The following CSF3R variants were observed in gnomAD, a reference collection of about 807,000 sequenced individuals.
CSF3R encodes the protein colony stimulating factor 3 receptor, also known as granulocyte colony-stimulating factor receptor.
A neutral mutation model predicts 84.4 loss-of-function variants in CSF3R; 52 were observed. That is an observed-to-expected ratio of 0.62 (90% CI 0.49 to 0.78). The LOEUF is 0.78. Among genes scored for constraint, CSF3R ranks in the 30% least tolerant of loss-of-function variants. CSF3R has a pLI of 0.00. For missense variants in CSF3R, 890 were observed against 1,055.7 expected, an observed-to-expected ratio of 0.84 and a Z score of 2.17; for synonymous variants, 384 against 429.1, an observed-to-expected ratio of 0.89 and a Z score of 1.30.
At position 36,476,234 on chromosome 1, in the gene CSF3R, T is replaced by C. The variant is rs565962887; in HGVS notation, c.65-561A>G. 1.9e-4 allele frequency: 29 copies of C among 153,128 alleles called. No homozygotes were observed. The South Asian group carries it at 5.5e-3, about 29-fold the overall frequency. The allele number at this position is 153,128 out of a possible 1,614,324, so 9.5% of individuals were successfully genotyped here. On this transcript the variant is annotated intron_variant, in intron 3 of 16. Coordinates refer to ENST00000373106, the MANE Select transcript of CSF3R (RefSeq NM_000760.4). ...AAGGCAGTGTGGTGTGATGGATGAG[T>C]GTGGATGTTGGAACTAGACTGCCTA...
At chr1:36,471,806 G>T in intron 9 of CSF3R, 160 bp from the exon 10 acceptor site, 1 of 768,728 alleles carries the variant, frequency 1.3e-6, no homozygotes, top group Non-Finnish European at 2.1e-6. Flanking sequence ...CCTTGTGCTA[G>T]GTTCTAGGAA....
chr1:36,469,027 G>T, intron 12 of CSF3R, 129 bp downstream of exon 12: 1 of 736,604 alleles, frequency 1.4e-6, no homozygotes. Context: ...GGGATTGGGA[G>T]AGATCCTCTC....
At position 36,479,458 on chromosome 1, in the gene CSF3R, G is replaced by A; in HGVS notation, c.39C>T (p.Ala13=). ...TTCCGGGGAGCAGCAGGATGATCAG[G>A]GCAGCCCAAGTCAGGCTGCAGTTTC... The part of the protein sequence containing the change: ...RLGNCSLTWA[A]LIILLLPGSL... The change falls in exon 3 of 17, where the codon GCC becomes GCT. Residue 13 remains alanine, a synonymous_variant. Transcript: ENST00000373106. The A allele has an allele frequency of 1.2e-6, 2 of 1,614,128 alleles. No individual in the cohort carries two copies. The highest frequency in any genetic ancestry group is 1.7e-6 in the Non-Finnish European group (2 of 1,180,024).
At position 36,466,307 on chromosome 1, in the gene CSF3R, C is replaced by G. The variant is rs369842345; in HGVS notation, c.*50G>C. ...TTATGGACCCTCCCCTCTTCTCCAG[C>G]TAGCTCAGGCCTTTAAGAGGCAGGC... On this transcript the variant is annotated 3_prime_UTR_variant, in exon 17 of 17. Coordinates refer to ENST00000373106, the MANE Select transcript of CSF3R (RefSeq NM_000760.4). This position sits in a 1 kb window ranked among gnomAD's most constrained non-coding sequence, Gnocchi z 4.6. 6 of 1,611,792 alleles carry G rather than the reference C, an allele frequency of 3.7e-6. No individual in the cohort carries two copies. The African/African-American group carries it at 8.0e-5, about 21-fold the overall frequency.
At position 36,475,210 on chromosome 1, in the gene CSF3R, C is replaced by T. The variant is rs3917956; in HGVS notation, c.361+167G>A. On this transcript the variant is annotated intron_variant, in intron 4 of 16. Transcript: ENST00000373106. ...TTAGTAGAGGCGGGGTTTCGCCTTGCTGGCCAGGCTGATCATGAACTCCTG... is the reference window on the plus strand; with the variant it reads ...TTAGTAGAGGCGGGGTTTCGCCTTGTTGGCCAGGCTGATCATGAACTCCTG... Among the ~76,000 whole-genome samples, 3,710 of 152,128 alleles carry T rather than the reference C, an allele frequency of 0.024. 120 individuals carry two copies. The highest frequency in any genetic ancestry group is 0.081 in the African/African-American group (3,339 of 41,472).
At position 36,469,435 on chromosome 1, in the gene CSF3R, T is replaced by C. The variant is rs116865179; in HGVS notation, c.1475-178A>G. Among the ~76,000 whole-genome samples, 60 of 152,212 alleles carry C rather than the reference T, an allele frequency of 3.9e-4. 2 individuals are homozygous for C. In the East Asian group the frequency reaches 0.01, roughly 26 times the overall value. ...AGGGAAGAAAAGTGGAAGAGAGAGC[T>C]AGAAGGGTGGCAGAGTCAGGGCTAT... On this transcript the variant is annotated intron_variant, in intron 11 of 16. Transcript: ENST00000373106.
rs188374778 is a variant in CSF3R at position 36,466,953 on chromosome 1, A to T, written c.2041-126T>A. ...TTGTTACTGGTGGAACACAAAGGGT[A>T]CCACTTGCAAAGCACTAGTATGTTC... On this transcript the variant is annotated intron_variant, in intron 16 of 16. Transcript: ENST00000373106. This position sits in a 1 kb window ranked among gnomAD's most constrained non-coding sequence, Gnocchi z 4.6. 66 of 1,604,900 alleles carry T rather than the reference A, an allele frequency of 4.1e-5. 1 individual carries two copies. In the African/African-American group the frequency reaches 6.5e-4, roughly 16 times the overall value.
rs564880597 is a variant in CSF3R at position 36,471,465 on chromosome 1, C to T, written c.1253G>A (p.Arg418His). 4.3e-5 allele frequency: 69 copies of T among 1,614,142 alleles called. No individual in the cohort carries two copies. The highest frequency in any genetic ancestry group is 1.7e-4 in the Middle Eastern group (1 of 6,052). Residue 418 changes from arginine to histidine, a missense_variant, in exon 10 of 17, where the codon CGT becomes CAT. By Grantham distance (29) the Arg-to-His change is conservative (BLOSUM62 0). Transcript: ENST00000373106. ...TTCTGAGAAGACCACCGGAGTGGGACGAGAGGTCCCGGCTGAGTTATAGGC... is the reference window on the plus strand; with the variant it reads ...TTCTGAGAAGACCACCGGAGTGGGATGAGAGGTCCCGGCTGAGTTATAGGC... ...LVAYNSAGTS[R>H]PTPVVFSESR...
rs1327052588 is a variant in CSF3R at position 36,475,225 on chromosome 1, A to T, written c.361+152T>A. On this transcript the variant is annotated intron_variant, in intron 4 of 16. Transcript: ENST00000373106. Reference sequence around the variant, plus strand: ...TTTCGCCTTGCTGGCCAGGCTGATCATGAACTCCTGACCTCAGGTGATCCG... The same window carrying T: ...TTTCGCCTTGCTGGCCAGGCTGATCTTGAACTCCTGACCTCAGGTGATCCG... 4 of 937,822 alleles carry T rather than the reference A, an allele frequency of 4.3e-6. No individual in the cohort carries two copies. In the East Asian group the frequency reaches 9.8e-5, roughly 23 times the overall value. The allele number at this position is 937,822 out of a possible 1,614,324, so 58.1% of individuals were successfully genotyped here.
At chr1:36,482,332 GCCCGGGAAGCGTCTGTTA>G (rs1651579525) in intron 1 of CSF3R, among the ~76,000 whole-genome samples, 1 of 151,810 alleles carries the variant, frequency 6.6e-6, no homozygotes, top group Non-Finnish European at 1.5e-5. Flanking sequence ...GAGGCCTGGA[GCCCGGGAAGCGTCTGTTA>G]CCGAGAGTTT....
intron 12 of CSF3R, 180 bp downstream of exon 12, chr1:36,468,976 A>C: frequency 1.6e-6 from 1 of 611,888 alleles, no homozygotes; most frequent in South Asian, 1.9e-5. Flanking sequence ...CTATCCCAGC[A>C]CCTGATTTCT....
Position 36,467,383 on chromosome 1 carries a change from C to G in CSF3R, c.1959-72G>C, listed in dbSNP as rs1019290947. 1.3e-6 allele frequency: 2 copies of G among 1,523,294 alleles called. No individual in the cohort carries two copies. The highest frequency in any genetic ancestry group is 4.5e-5 in the East Asian group (2 of 44,462). The allele number at this position is 1,523,294 out of a possible 1,614,324, so 94.4% of individuals were successfully genotyped here. On this transcript the variant is annotated intron_variant, in intron 15 of 16. Coordinates refer to ENST00000373106, the MANE Select transcript of CSF3R (RefSeq NM_000760.4). The surrounding 1 kb of genome is among the most constrained non-coding windows in gnomAD (Gnocchi z 4.1). ...CTTTCCATTTTTTGTCCCACCCACC[C>G]CACCTGAAGAGGTGCAGCTGCCCTT...
chr1:36,478,050 G>A (rs896240766), intron 3 of CSF3R, among the ~76,000 whole-genome samples: 2 of 152,024 alleles, frequency 1.3e-5, no homozygotes, highest in Non-Finnish European at 2.9e-5. Flanking sequence ...GAGCCACCGC[G>A]CCCGGCCCAG....
Position 36,467,606 on chromosome 1 carries a change from A to C in CSF3R, c.1910T>G (p.Leu637Arg). Residue 637 changes from leucine to arginine, a missense_variant, in exon 15 of 17, where the codon CTG (leucine) becomes CGG (arginine). Coordinates refer to ENST00000373106, the MANE Select transcript of CSF3R (RefSeq NM_000760.4). This position sits in a 1 kb window ranked among gnomAD's most constrained non-coding sequence, Gnocchi z 4.1. ...HIILGLFGLL[L>R]LLTCLCGTAW... is the part of the protein sequence containing the mutation. ...AGTTCCACAGAGGCAGGTGAGCAAC[A>C]GCAGGAGGCCGAACAGGCCCAGGAT... 6.2e-7 allele frequency: 1 copy of C among 1,614,200 alleles called. No homozygotes were observed. The highest frequency in any genetic ancestry group is 8.5e-7 in the Non-Finnish European group (1 of 1,180,034).
At chr1:36,473,696 C>T in intron 5 of CSF3R, 68 bp downstream of exon 5, 2 of 1,613,958 alleles carry the variant, frequency 1.2e-6, no homozygotes, top group Admixed American at 3.3e-5. Context: ...AGAGGCATGC[C>T]CAGCATCCTA....
intron 11 of CSF3R, 149 bp downstream of exon 11, chr1:36,469,503 A>G (rs909700624): frequency 4.4e-5 from 44 of 998,616 alleles, no homozygotes; most frequent in Middle Eastern, 2.1e-4. Flanking sequence ...CTTCCTGATT[A>G]TGAGGATATG....
chr1:36,471,818 G>T, intron 9 of CSF3R, 172 bp from the exon 10 acceptor site: 1 of 730,830 alleles, frequency 1.4e-6, no homozygotes, highest in Non-Finnish European at 2.3e-6. Flanking sequence ...TTCTAGGAAG[G>T]AGGGCAGGAA....
rs775696358 is a variant in CSF3R at position 36,471,469 on chromosome 1, A to T, written c.1249T>A (p.Ser417Thr). The T allele has an allele frequency of 1.9e-6, 3 of 1,614,168 alleles. No individual in the cohort carries two copies. Among genetic ancestry groups the T allele is most frequent in the Non-Finnish European group, 2.5e-6 (3 of 1,180,022 alleles). The change falls in exon 10 of 17, where the codon TCT becomes ACT. Residue 417 changes from serine to threonine, a missense_variant. Transcript: ENST00000373106. ...ALVAYNSAGT[S>T]RPTPVVFSES... ...GAGAAGACCACCGGAGTGGGACGAG[A>T]GGTCCCGGCTGAGTTATAGGCCACA...
Position 36,466,675 on chromosome 1 carries a change from C to T in CSF3R, c.2193G>A (p.Gly731=), listed in dbSNP as rs768443319. The change falls in exon 17 of 17, where the codon GGG becomes GGA. Residue 731 remains glycine, a synonymous_variant. Transcript: ENST00000373106. The surrounding 1 kb of genome is among the most constrained non-coding windows in gnomAD (Gnocchi z 4.6). ...PTLVQTYVLQ[G]DPRAVSTQPQ... is the part of the protein sequence containing the mutation. ...GCTGGGTGGAAACTGCTCTTGGGTC[C>T]CCCTGGAGCACATAGGTCTGGACCA... 2 of 1,614,194 alleles carry T rather than the reference C, an allele frequency of 1.2e-6. No individual in the cohort carries two copies. Among genetic ancestry groups the T allele is most frequent in the Non-Finnish European group, 1.7e-6 (2 of 1,180,020 alleles).
Sources: allele counts gnomAD v4.1 joint callset (sites outside exome capture counted in the v4.1 genomes callset), GRCh38; gene constraint gnomAD v4.1.1; non-coding constraint Gnocchi (gnomAD v3.1); transcripts MANE v1.5; gene names NCBI Gene and HGNC (gene_info 2026-07-23, HGNC 2026-07-21).